The following PDE4D variants were observed in gnomAD, a reference collection of about 807,000 sequenced individuals.
PDE4D encodes the protein 3',5'-cyclic-AMP phosphodiesterase 4D.
In PDE4D, 24 loss-of-function variants were observed where a neutral mutation model predicts 87.4. The ratio of observed to expected loss-of-function variants is 0.27; its 90% confidence interval spans 0.20 to 0.39. The LOEUF is 0.39. PDE4D is among the 10% of genes least tolerant of loss of function. The pLI is 1.00. For missense variants in PDE4D, 714 were observed against 1,041.0 expected (o/e 0.69, Z 4.32); for synonymous variants, 384 against 383.2 (o/e 1.00, Z -0.02).
intron 1 of PDE4D, among the ~76,000 whole-genome samples, chr5:59,352,845 G>A (rs967352967): frequency 3.9e-5 from 6 of 152,038 alleles, no homozygotes; most frequent in Non-Finnish European, 2.9e-5. Flanking sequence ...CCTTCTACAC[G>A]AGGTACAAGC....
At chr5:60,452,861 C>T (rs1320988594) in intron 1 of PDE4D, among the ~76,000 whole-genome samples, 1 of 152,012 alleles carries the variant, frequency 6.6e-6, no homozygotes, top group East Asian at 1.9e-4. Flanking sequence ...ACTATACACA[C>T]CCCAGAAAAA....
chr5:59,226,131 T>A (rs569788951), intron 1 of PDE4D, among the ~76,000 whole-genome samples: 8 of 152,308 alleles, frequency 5.3e-5, no homozygotes, highest in African/African-American at 1.9e-4. Context: ...CCATATGATC[T>A]ACCAATTCAA....
chr5:59,466,904 T>A (rs1168368185), intron 1 of PDE4D, among the ~76,000 whole-genome samples: 1 of 152,188 alleles, frequency 6.6e-6, no homozygotes, highest in Non-Finnish European at 1.5e-5. Flanking sequence ...CTCGTACATA[T>A]ACCTCCAAAA....
At chr5:59,500,658 G>A (rs1366913162) in intron 1 of PDE4D, among the ~76,000 whole-genome samples, 1 of 152,142 alleles carries the variant, frequency 6.6e-6, no homozygotes, top group Non-Finnish European at 1.5e-5. Context: ...ATGGTCCTAT[G>A]TCACTACGTG....
intron 2 of PDE4D, among the ~76,000 whole-genome samples, chr5:59,208,125 C>T (rs1337276465): frequency 1.3e-5 from 2 of 152,104 alleles, no homozygotes; most frequent in African/African-American, 4.8e-5. Flanking sequence ...TGAGATTGTG[C>T]CACTGCACTC....
chr5:60,521,870 C>G (rs1751050659), intron 1 of PDE4D: 1 of 151,384 alleles, frequency 6.6e-6, no homozygotes, highest in South Asian at 2.1e-4. Context: ...TCAGCCTAAG[C>G]AGCATGTTTT....
chr5:60,047,816 T>A (rs1769489925), intron 2 of PDE4D, among the ~76,000 whole-genome samples: 1 of 152,034 alleles, frequency 6.6e-6, no homozygotes, highest in African/African-American at 2.4e-5. Flanking sequence ...AGGTGTGGTG[T>A]GGTGCTGAAA....
At chr5:59,189,391 C>T (rs1057443708) in intron 3 of PDE4D, among the ~76,000 whole-genome samples, 21 of 151,766 alleles carry the variant, frequency 1.4e-4, no homozygotes, top group African/African-American at 5.1e-4. Flanking sequence ...AGGGATATCT[C>T]CTTAGTCTGA....
At chr5:60,284,600 A>G (rs1752243298) in intron 1 of PDE4D, among the ~76,000 whole-genome samples, 1 of 152,182 alleles carries the variant, frequency 6.6e-6, no homozygotes, top group Non-Finnish European at 1.5e-5. Context: ...AGAGGCCCCG[A>G]TGATATTTCT....
At chr5:60,315,318 T>C (rs79891929) in intron 1 of PDE4D, among the ~76,000 whole-genome samples, 47,976 of 152,058 alleles carry the variant, frequency 0.32, 9,146 homozygotes, top group African/African-American at 0.51. Context: ...CCTTCGCCTA[T>C]TTGTTGATGG....
At chr5:59,744,253 T>C (rs944959827) in intron 1 of PDE4D, among the ~76,000 whole-genome samples, 1 of 152,168 alleles carries the variant, frequency 6.6e-6, no homozygotes, top group African/African-American at 2.4e-5. Context: ...GATTTTGACA[T>C]CTCTTCTTTC....
At chr5:60,422,380 G>C (rs1743201004) in intron 1 of PDE4D, among the ~76,000 whole-genome samples, 1 of 152,084 alleles carries the variant, frequency 6.6e-6, no homozygotes, top group African/African-American at 2.4e-5. Flanking sequence ...AAAGAGTGGG[G>C]GCCAATATTC....
At chr5:59,487,355 T>C (rs1805337013) in intron 1 of PDE4D, among the ~76,000 whole-genome samples, 1 of 152,096 alleles carries the variant, frequency 6.6e-6, no homozygotes, top group African/African-American at 2.4e-5. Context: ...TAGAAATAGC[T>C]AAAGAAATAA....
At chr5:59,567,831 A>G (rs1821197546) in intron 1 of PDE4D, among the ~76,000 whole-genome samples, 1 of 152,190 alleles carries the variant, frequency 6.6e-6, no homozygotes, top group South Asian at 2.1e-4. Context: ...TGTGGTAATG[A>G]GTTAGATTTG....
At chr5:59,911,660 C>T (rs956958744) in intron 3 of PDE4D, among the ~76,000 whole-genome samples, 23 of 152,284 alleles carry the variant, frequency 1.5e-4, no homozygotes, top group African/African-American at 2.9e-4. Context: ...ACAGGAGCAT[C>T]GGTTGACTTA....
At chr5:60,282,815 G>A (rs944027212) in intron 1 of PDE4D, among the ~76,000 whole-genome samples, 1 of 152,200 alleles carries the variant, frequency 6.6e-6, no homozygotes, top group Non-Finnish European at 1.5e-5. Flanking sequence ...TTAGTGTCCA[G>A]ATATCTGGGG....
chr5:59,124,616 C>A (rs535646299), intron 5 of PDE4D, among the ~76,000 whole-genome samples: 4 of 152,198 alleles, frequency 2.6e-5, no homozygotes, highest in Admixed American at 2.6e-4. Flanking sequence ...TTACAGGGTG[C>A]ACTGGGACAA....
chr5:60,275,070 A>G (rs556372961), intron 1 of PDE4D, among the ~76,000 whole-genome samples: 1 of 152,162 alleles, frequency 6.6e-6, no homozygotes, highest in Non-Finnish European at 1.5e-5. Context: ...GGGCTTGTGA[A>G]TTTGCATTTC....
chr5:59,895,875 C>T (rs758869629), upstream of PDE4D, among the ~76,000 whole-genome samples: 29 of 152,164 alleles, frequency 1.9e-4, no homozygotes, highest in Non-Finnish European at 2.2e-4. Flanking sequence ...TTTGCTCCTT[C>T]CTTTTTACTC....
Sources: gnomAD v4.1 joint callset for allele counts (sites outside exome capture counted in the v4.1 genomes callset) on GRCh38, gnomAD v4.1.1 for gene constraint, MANE v1.5 for transcripts, NCBI Gene and HGNC (gene_info 2026-07-23, HGNC 2026-07-21) for gene names.